CDKL5: variants seen among roughly 807,000 people sequenced by gnomAD.
CDKL5 encodes the protein cyclin-dependent kinase-like 5.
A neutral mutation model predicts 61.7 loss-of-function variants in CDKL5; 8 were observed. The ratio of observed to expected loss-of-function variants is 0.13; its 90% CI spans 0.08 to 0.23. CDKL5 has a LOEUF of 0.23. Ranked by LOEUF, CDKL5 falls within the 10% of genes least tolerant of loss-of-function variation. CDKL5 has a pLI of 1.00. For synonymous variants in CDKL5, 275 were observed against 272.3 expected (o/e 1.01, Z -0.10); for missense variants, 440 against 734.5 (o/e 0.60, Z 4.63).
intron 12 of CDKL5, among the ~76,000 whole-genome samples, chrX:18,607,250 G>A (rs780893843): frequency 9.0e-6 from 1 of 111,412 alleles, no homozygotes; most frequent in African/African-American, 3.3e-5. Context: ...AAAGGAGAAA[G>A]CAAGAGGTGC....
intron 19 of CDKL5, chrX:18,645,949 G>A: frequency 1.2e-5 from 15 of 1,208,229 alleles, no homozygotes; most frequent in Non-Finnish European, 1.7e-5. Flanking sequence ...ATATGTTTGT[G>A]TTCTTAAAGG....
At chrX:18,628,239 G>C in intron 17 of CDKL5, 132 bp from the exon 18 acceptor site, 2 of 618,748 alleles carry the variant, frequency 3.2e-6, no homozygotes, top group Non-Finnish European at 5.5e-6. Context: ...GATATGGCTG[G>C]ACCGGCTCCT....
intron 1 of CDKL5, among the ~76,000 whole-genome samples, chrX:18,484,330 G>A (rs765818444): frequency 9.2e-6 from 1 of 108,657 alleles, no homozygotes; most frequent in Non-Finnish European, 1.9e-5. Context: ...TTTTTTTTTG[G>A]GGGGGGGACA....
chrX:18,509,197 G>GCACGCGCGCGCGCGCGCACACA (rs1204561636), intron 2 of CDKL5, among the ~76,000 whole-genome samples: 2 of 64,308 alleles, frequency 3.1e-5, no homozygotes, highest in East Asian at 6.9e-4. Flanking sequence ...CTCAAAACAC[G>GCACGCGCGCGCGCGCGCACACA]CACACACACA....
chrX:18,580,008 C>G (rs1452957653), intron 6 of CDKL5, 40 bp downstream of exon 6: 2 of 1,069,114 alleles, frequency 1.9e-6, no homozygotes, highest in Non-Finnish European at 2.6e-6. Context: ...ATTAAAACAT[C>G]AAATAAAGTT....
chrX:18,502,511 G>T (rs1922424007), intron 1 of CDKL5, among the ~76,000 whole-genome samples: 1 of 111,268 alleles, frequency 9.0e-6, no homozygotes, highest in Non-Finnish European at 1.9e-5. Flanking sequence ...AGGAGGGGAG[G>T]TCAAGGCCTG....
In CDKL5 at chrX:18,645,260, TG is replaced by T. The variant is rs753464021; in HGVS notation, c.2714-744del. On this transcript the variant is annotated intron_variant, in intron 19 of 21. Transcript: ENST00000379989. Reference sequence around the variant, plus strand: ...AATTAGCTTTGTAGGACTTAAGCCCTGGGCCACCTTCTCTTCCTTTTCCAGA... The same window carrying T: ...AATTAGCTTTGTAGGACTTAAGCCCTGGCCACCTTCTCTTCCTTTTCCAGA... Among the ~76,000 whole-genome samples the T allele has an allele frequency of 9.8e-5, 11 of 111,826 alleles. No individual in the cohort carries two copies. The South Asian group carries it at 4.1e-3, about 42-fold the overall frequency.
chrX:18,433,271 G>A (rs1302045955), intron 1 of CDKL5, among the ~76,000 whole-genome samples: 1 of 106,026 alleles, frequency 9.4e-6, no homozygotes. Context: ...ACACTTCTCG[G>A]CCGGGCCTGG....
chrX:18,611,453 A>AG (rs1163644213), intron 14 of CDKL5, among the ~76,000 whole-genome samples: 1 of 109,907 alleles, frequency 9.1e-6, no homozygotes, highest in East Asian at 2.8e-4. Flanking sequence ...AAAAAAAAAA[A>AG]AAAGAATTTT....
At chrX:18,466,086 A>G (rs898605792) in intron 1 of CDKL5, among the ~76,000 whole-genome samples, 19 of 111,614 alleles carry the variant, frequency 1.7e-4, no homozygotes, top group East Asian at 2.8e-4. Context: ...ATTGTGTACA[A>G]TCTGTGGAAA....
At chrX:18,575,042 G>A (rs1346738880) in intron 4 of CDKL5, among the ~76,000 whole-genome samples, 1 of 111,625 alleles carries the variant, frequency 9.0e-6, no homozygotes, top group Non-Finnish European at 1.9e-5. Flanking sequence ...GTATCTATAA[G>A]TGTGTTTTTA....
At chrX:18,553,142 G>A (rs887489026) in intron 3 of CDKL5, among the ~76,000 whole-genome samples, 13 of 111,113 alleles carry the variant, frequency 1.2e-4, no homozygotes, top group Non-Finnish European at 2.3e-4. Flanking sequence ...AGCACTTAGT[G>A]ATAGACTGGA....
intron 15 of CDKL5, among the ~76,000 whole-genome samples, chrX:18,619,463 A>T (rs1215605793): frequency 9.0e-6 from 1 of 111,563 alleles, no homozygotes; most frequent in East Asian, 2.8e-4. Context: ...AAACTTGTCG[A>T]GCTGGTTTTT....
At chrX:18,479,078 C>G (rs1921442237) in intron 1 of CDKL5, among the ~76,000 whole-genome samples, 1 of 111,231 alleles carries the variant, frequency 9.0e-6, no homozygotes, top group South Asian at 3.7e-4. Context: ...GTCTTGAACT[C>G]CTGGCCTGAA....
chrX:18,644,366 G>A (rs879212727), downstream of CDKL5: 25 of 1,039,086 alleles, frequency 2.4e-5, no homozygotes, highest in South Asian at 1.5e-4. Context: ...ACAGGAGCTC[G>A]GGGACAGGAG....
At chrX:18,532,984 T>C (rs773543075) in intron 3 of CDKL5, among the ~76,000 whole-genome samples, 1 of 112,185 alleles carries the variant, frequency 8.9e-6, no homozygotes, top group South Asian at 3.6e-4. Flanking sequence ...TTAATAAATA[T>C]TTTCCTCTTT....
At chrX:18,626,872 C>A (rs1927079955) in intron 17 of CDKL5, 1 of 106,326 alleles carries the variant, frequency 9.4e-6, no homozygotes, top group African/African-American at 3.5e-5. Flanking sequence ...TCTCAGCCTC[C>A]AGAGTAACTG....
intron 1 of CDKL5, among the ~76,000 whole-genome samples, chrX:18,439,176 C>T (rs1332452488): frequency 4.7e-5 from 5 of 106,884 alleles, no homozygotes; most frequent in African/African-American, 1.7e-4. Flanking sequence ...TGTCTAGTTA[C>T]CTGTGTAAGA....
intron 3 of CDKL5, among the ~76,000 whole-genome samples, chrX:18,561,821 A>G (rs1390021687): frequency 8.9e-6 from 1 of 111,939 alleles, no homozygotes; most frequent in South Asian, 3.7e-4. Flanking sequence ...TTACAAGTGA[A>G]TAAAGATTTA....
Sources: gnomAD v4.1 joint callset for allele counts (sites outside exome capture counted in the v4.1 genomes callset) on GRCh38, gnomAD v4.1.1 for gene constraint, MANE v1.5 for transcripts, NCBI Gene and HGNC (gene_info 2026-07-23, HGNC 2026-07-21) for gene names.